Variants in CRACDL observed in about 807,000 individuals in gnomAD.
CRACDL encodes the protein CRACD like, also known as CRACD-like protein.
CRACDL carries 26 observed loss-of-function variants against 70.6 expected under a neutral mutation model. The ratio of observed to expected loss-of-function variants is 0.37; its 90% CI spans 0.27 to 0.51. The LOEUF is 0.51. Among genes scored for constraint, CRACDL ranks in the 20% least tolerant of loss-of-function variants. The pLI, the probability that CRACDL is intolerant of heterozygous loss-of-function variation, is 0.94. For missense variants in CRACDL, 1,283 were observed against 1,376.9 expected (o/e 0.93, Z 1.08); for synonymous variants, 618 against 615.2 (o/e 1.00, Z -0.07).
At chr2:98,885,647 T>C (rs1707779867) in intron 1 of CRACDL, among the ~76,000 whole-genome samples, 1 of 151,850 alleles carries the variant, frequency 6.6e-6, no homozygotes, top group African/African-American at 2.4e-5. Flanking sequence ...ATCTCAGAGG[T>C]GGTAAAAACT....
intron 1 of CRACDL, among the ~76,000 whole-genome samples, chr2:98,928,151 T>C (rs1239671915): frequency 2.0e-5 from 3 of 151,802 alleles, no homozygotes; most frequent in African/African-American, 7.3e-5. Flanking sequence ...CGCCACTGCA[T>C]TCCAGCCTGG....
intron 7 of CRACDL, among the ~76,000 whole-genome samples, chr2:98,814,852 C>A (rs1363477392): frequency 6.6e-6 from 1 of 152,132 alleles, no homozygotes; most frequent in Non-Finnish European, 1.5e-5. Flanking sequence ...TATTTTGAAG[C>A]TCTGTTGTTA....
intron 1 of CRACDL, among the ~76,000 whole-genome samples, chr2:98,902,588 A>C (rs1171264290): frequency 1.3e-5 from 2 of 152,080 alleles, no homozygotes; most frequent in Admixed American, 1.3e-4. Flanking sequence ...TTCTGGCTTC[A>C]AAGTAGTATA....
chr2:98,897,292 G>A, intron 1 of CRACDL: 1 of 894,516 alleles, frequency 1.1e-6, no homozygotes, highest in Non-Finnish European at 1.6e-6. Flanking sequence ...CCGGTGGTTT[G>A]TTCCTTTTAC....
At chr2:98,840,219 C>A (rs1313617209) in intron 2 of CRACDL, among the ~76,000 whole-genome samples, 1 of 152,028 alleles carries the variant, frequency 6.6e-6, no homozygotes, top group Non-Finnish European at 1.5e-5. Flanking sequence ...ATTGTTTGGT[C>A]AAAAATATTT....
At chr2:98,799,608 T>A (rs1213537904) in intron 7 of CRACDL, among the ~76,000 whole-genome samples, 1 of 152,204 alleles carries the variant, frequency 6.6e-6, no homozygotes, top group Non-Finnish European at 1.5e-5. Flanking sequence ...GGGTCTTCCA[T>A]AGCTTGAAAG....
intron 1 of CRACDL, among the ~76,000 whole-genome samples, chr2:98,875,147 G>A (rs1216945331): frequency 6.6e-6 from 1 of 152,144 alleles, no homozygotes; most frequent in Non-Finnish European, 1.5e-5. Context: ...CTGTACAACC[G>A]CCTAAGTTAA....
intron 1 of CRACDL, among the ~76,000 whole-genome samples, chr2:98,913,739 T>C (rs1708598804): frequency 6.6e-6 from 1 of 152,346 alleles, no homozygotes; most frequent in South Asian, 2.1e-4. Flanking sequence ...GCAAGTGACC[T>C]ACACGCTCTG....
intron 5 of CRACDL, among the ~76,000 whole-genome samples, chr2:98,830,912 A>AG (rs1164340618): frequency 6.6e-6 from 1 of 152,114 alleles, no homozygotes; most frequent in Non-Finnish European, 1.5e-5. Context: ...GGATGGGAGG[A>AG]GGGGGAGTCC....
chr2:98,885,617 A>G (rs1707779271), intron 1 of CRACDL, among the ~76,000 whole-genome samples: 2 of 152,188 alleles, frequency 1.3e-5, no homozygotes, highest in Admixed American at 6.5e-5. Flanking sequence ...AGATGAAAAT[A>G]TGGCCTTCAG....
At chr2:98,800,341 G>A (rs1704021135) in intron 7 of CRACDL, among the ~76,000 whole-genome samples, 3 of 152,112 alleles carry the variant, frequency 2.0e-5, no homozygotes, top group South Asian at 4.1e-4. Flanking sequence ...CTGGGGTTGG[G>A]GGCAGGTGGA....
chr2:98,901,936 A>G (rs773677794), intron 1 of CRACDL, among the ~76,000 whole-genome samples: 2 of 152,158 alleles, frequency 1.3e-5, no homozygotes, highest in Non-Finnish European at 2.9e-5. Context: ...AGACAGGAAC[A>G]CAAGAGAAGC....
At chr2:98,801,763 G>A (rs1290119764) in intron 7 of CRACDL, among the ~76,000 whole-genome samples, 3 of 152,170 alleles carry the variant, frequency 2.0e-5, no homozygotes, top group Non-Finnish European at 4.4e-5. Flanking sequence ...AATATCCACT[G>A]TCTACACTTC....
Position 98,823,169 on chromosome 2 carries a change from G to A in CRACDL, c.1104C>T (p.Gly368=). ...PEGPPNPGPD[G]GKQDGEAPPA... ...GGGGCGCCTCCCCATCCTGCTTTCCGCCGTCGGGACCGGGATTCGGGGGGC... is the reference window on the plus strand; with the variant it reads ...GGGGCGCCTCCCCATCCTGCTTTCCACCGTCGGGACCGGGATTCGGGGGGC... Residue 368 remains glycine (G), a synonymous_variant, in exon 7 of 10, where the codon GGC becomes GGT. Coordinates refer to ENST00000397899, the MANE Select transcript of CRACDL (RefSeq NM_207362.3). This position sits in a 1 kb window ranked among gnomAD's most constrained non-coding sequence, Gnocchi z 4.0. 2 of 1,531,728 alleles carry A rather than the reference G, an allele frequency of 1.3e-6. No homozygotes were observed. The highest frequency in any genetic ancestry group is 2.7e-5 in the East Asian group (1 of 37,702). The allele number at this position is 1,531,728 out of a possible 1,614,324, so 94.9% of individuals were successfully genotyped here. A position where few individuals can be genotyped will look rare whatever the true frequency, so the allele number is the denominator to read the frequency against.
At chr2:98,919,308 G>A (rs757345933) in intron 1 of CRACDL, among the ~76,000 whole-genome samples, 6 of 152,064 alleles carry the variant, frequency 3.9e-5, no homozygotes, top group East Asian at 1.9e-4. Flanking sequence ...TTGGCTCTTC[G>A]GATTCTTTTT....
chr2:98,805,544 C>A (rs184159895), intron 7 of CRACDL, among the ~76,000 whole-genome samples: 79 of 152,300 alleles, frequency 5.2e-4, no homozygotes, highest in Non-Finnish European at 1.0e-3. Context: ...CTCCCCTCAT[C>A]CACACAATCT....
Position 98,822,935 on chromosome 2 carries a change from G to T in CRACDL, c.1338C>A (p.Leu446=). ...CTGGGGGCCCCTTCTCCTCATCCGG[G>T]AGCACGGGCGGCGTCGGCTCCGCTT... ...PKEAEPTPPV[L]PDEEKGPPGP... The change falls in exon 7 of 10, where the codon CTC becomes CTA. Residue 446 remains leucine, a synonymous_variant. Transcript: ENST00000397899. This position sits in a 1 kb window ranked among gnomAD's most constrained non-coding sequence, Gnocchi z 4.9. The T allele has an allele frequency of 6.8e-7, 1 of 1,463,358 alleles. No individual in the cohort carries two copies. Among genetic ancestry groups the T allele is most frequent in the Non-Finnish European group, 9.0e-7 (1 of 1,114,228 alleles). The allele number at this position is 1,463,358 out of a possible 1,614,324, so 90.6% of individuals were successfully genotyped here.
At chr2:98,806,450 C>A (rs1704296296) in intron 7 of CRACDL, among the ~76,000 whole-genome samples, 1 of 152,232 alleles carries the variant, frequency 6.6e-6, no homozygotes, top group Non-Finnish European at 1.5e-5. Context: ...TCAAGGTTGG[C>A]AGACATCCCA....
chr2:98,797,237 G>A (rs769099483), intron 8 of CRACDL, 113 bp downstream of exon 8: 19 of 954,098 alleles, frequency 2.0e-5, no homozygotes, highest in Non-Finnish European at 2.7e-5. Context: ...CATCACAGGT[G>A]ACGGTCCCTG....
Sources: allele counts gnomAD v4.1 joint callset (sites outside exome capture counted in the v4.1 genomes callset), GRCh38; gene constraint gnomAD v4.1.1; non-coding constraint Gnocchi (gnomAD v3.1); transcripts MANE v1.5; gene names NCBI Gene and HGNC (gene_info 2026-07-23, HGNC 2026-07-21).